MAST4: variants seen among roughly 807,000 people sequenced by gnomAD.
MAST4 encodes microtubule-associated serine/threonine-protein kinase 4.
In MAST4, 89 loss-of-function variants were observed where a neutral mutation model predicts 162.7. The observed-to-expected ratio is 0.55, with a 90% confidence interval of 0.46 to 0.65. The LOEUF (loss-of-function observed/expected upper bound fraction) is 0.65. Ranked by LOEUF, MAST4 falls within the 30% of genes least tolerant of loss-of-function variation. The probability of loss-of-function intolerance (pLI) is 0.00; values close to 1 mark genes in which losing one functional copy is unlikely to be tolerated. For missense variants in MAST4, 3,153 were observed against 3,374.0 expected, an observed-to-expected ratio of 0.93 and a Z score of 1.62; for synonymous variants, 1,479 against 1,361.1, an observed-to-expected ratio of 1.09 and a Z score of -1.91.
intron 5 of MAST4, among the ~76,000 whole-genome samples, chr5:67,081,640 C>T (rs1762668950): frequency 6.6e-6 from 1 of 152,060 alleles, no homozygotes; most frequent in Non-Finnish European, 1.5e-5. Flanking sequence ...ATGGGGTGGG[C>T]CAACTTCACC....
At chr5:66,678,259 T>G (rs1580173367) in intron 1 of MAST4, among the ~76,000 whole-genome samples, 3 of 147,398 alleles carry the variant, frequency 2.0e-5, no homozygotes, top group South Asian at 2.2e-4. Flanking sequence ...CTGGTGGGGG[T>G]GTGTATGGGG....
At chr5:66,979,548 C>T (rs556592078) in intron 4 of MAST4, among the ~76,000 whole-genome samples, 21 of 152,242 alleles carry the variant, frequency 1.4e-4, no homozygotes, top group African/African-American at 5.1e-4. Context: ...TAGAGATGCC[C>T]CAGAAGCTAG....
intron 4 of MAST4, among the ~76,000 whole-genome samples, chr5:67,028,828 G>T (rs1470997559): frequency 6.6e-6 from 1 of 151,946 alleles, no homozygotes; most frequent in Non-Finnish European, 1.5e-5. Context: ...TTCCAGATTG[G>T]GGATTAAGAG....
chr5:66,794,713 C>T (rs1048479673), intron 3 of MAST4, among the ~76,000 whole-genome samples: 2 of 152,154 alleles, frequency 1.3e-5, no homozygotes, highest in East Asian at 3.9e-4. Flanking sequence ...GGACAAGGTG[C>T]TTTCAAATGC....
chr5:66,736,796 T>C (rs987056116), intron 1 of MAST4, among the ~76,000 whole-genome samples: 1 of 152,194 alleles, frequency 6.6e-6, no homozygotes, highest in Non-Finnish European at 1.5e-5. Flanking sequence ...AGGTGATAGA[T>C]GGAAGGCTGT....
chr5:67,131,203 T>TC (rs1405651672), intron 15 of MAST4, among the ~76,000 whole-genome samples: 2 of 152,164 alleles, frequency 1.3e-5, no homozygotes, highest in African/African-American at 4.8e-5. Context: ...TGCCTTATTT[T>TC]CACCCAGTGT....
At chr5:66,807,510 A>C (rs1056380558) in intron 3 of MAST4, among the ~76,000 whole-genome samples, 2 of 152,096 alleles carry the variant, frequency 1.3e-5, no homozygotes, top group Non-Finnish European at 2.9e-5. Context: ...CTCAAAAAAA[A>C]AAAAAAATGT....
At chr5:67,127,443 AG>A (rs1232260130) in intron 14 of MAST4, among the ~76,000 whole-genome samples, 1 of 152,182 alleles carries the variant, frequency 6.6e-6, no homozygotes, top group African/African-American at 2.4e-5. Flanking sequence ...TTTAGCATGA[AG>A]GGCTGCTGAA....
intron 1 of MAST4, among the ~76,000 whole-genome samples, chr5:66,711,988 G>T (rs997210658): frequency 6.6e-6 from 1 of 152,206 alleles, no homozygotes; most frequent in Non-Finnish European, 1.5e-5. Flanking sequence ...TTAGGATGTA[G>T]ATATTTAGGG....
intron 4 of MAST4, among the ~76,000 whole-genome samples, chr5:67,040,499 A>T (rs1201794140): frequency 1.3e-5 from 2 of 152,198 alleles, no homozygotes; most frequent in Non-Finnish European, 2.9e-5. Flanking sequence ...AAATCTGTAC[A>T]CAAGTGTATC....
chr5:66,998,977 TTC>T (rs922663405), intron 4 of MAST4, among the ~76,000 whole-genome samples: 3 of 152,192 alleles, frequency 2.0e-5, no homozygotes, highest in African/African-American at 7.2e-5. Context: ...GAGTTAGGTT[TTC>T]TGTTTGCCGG....
intron 3 of MAST4, among the ~76,000 whole-genome samples, chr5:66,801,880 T>G (rs572449980): frequency 6.6e-6 from 1 of 152,328 alleles, no homozygotes; most frequent in South Asian, 2.1e-4. Flanking sequence ...ATGTAAGACA[T>G]TCATTTGTTG....
intron 4 of MAST4, among the ~76,000 whole-genome samples, chr5:66,973,863 T>G (rs1481721641): frequency 6.6e-6 from 1 of 152,218 alleles, no homozygotes; most frequent in Non-Finnish European, 1.5e-5. Flanking sequence ...TGTAGTAATC[T>G]ATAACCAGCA....
At chr5:66,920,615 C>T (rs537991002) in intron 4 of MAST4, among the ~76,000 whole-genome samples, 16 of 152,152 alleles carry the variant, frequency 1.1e-4, no homozygotes, top group South Asian at 2.1e-4. Context: ...CTCAGCCTCC[C>T]GAGTAGCTGG....
chr5:66,807,080 A>G (rs1756224325), intron 3 of MAST4, among the ~76,000 whole-genome samples: 1 of 152,256 alleles, frequency 6.6e-6, no homozygotes, highest in South Asian at 2.1e-4. Flanking sequence ...AGTCATGGGT[A>G]CATGAGATGT....
chr5:66,961,414 G>A (rs762768199), intron 4 of MAST4, among the ~76,000 whole-genome samples: 1 of 152,136 alleles, frequency 6.6e-6, no homozygotes, highest in East Asian at 1.9e-4. Context: ...AGTATTATAT[G>A]AGCCTATTTT....
At chr5:66,822,293 A>G (rs1331653158) in intron 3 of MAST4, among the ~76,000 whole-genome samples, 2 of 152,082 alleles carry the variant, frequency 1.3e-5, no homozygotes, top group African/African-American at 4.8e-5. Flanking sequence ...GCCCTGAGTC[A>G]TTTCACCTAA....
intron 4 of MAST4, among the ~76,000 whole-genome samples, chr5:67,023,738 T>TA (rs1425505203): frequency 6.6e-6 from 1 of 152,032 alleles, no homozygotes; most frequent in Non-Finnish European, 1.5e-5. Context: ...GATGGTGGGG[T>TA]AATTATGATG....
At chr5:67,078,859 TATAA>T (rs1311383407) in intron 5 of MAST4, among the ~76,000 whole-genome samples, 3 of 117,790 alleles carry the variant, frequency 2.5e-5, no homozygotes, top group Non-Finnish European at 1.6e-5. Context: ...TATATATTTA[TATAA>T]ATATATATTT....
Sources: gnomAD v4.1 joint callset for allele counts (sites outside exome capture counted in the v4.1 genomes callset) on GRCh38, gnomAD v4.1.1 for gene constraint, MANE v1.5 for transcripts, NCBI Gene and HGNC (gene_info 2026-07-23, HGNC 2026-07-21) for gene names.